CCDC146: variants seen among roughly 807,000 people sequenced by gnomAD.
CCDC146 encodes the protein coiled-coil domain containing 146.
CCDC146 carries 92 observed loss-of-function variants against 119.3 expected under a neutral mutation model. That is an observed-to-expected ratio of 0.77 (90% CI 0.65 to 0.92). CCDC146 has a LOEUF of 0.92. Among genes scored for constraint, CCDC146 ranks in the 40% least tolerant of loss-of-function variants. CCDC146 has a pLI of 0.00. For synonymous variants in CCDC146, 372 were observed against 371.8 expected, an observed-to-expected ratio of 1.00 and a Z score of -0.01; for missense variants, 1,000 against 1,103.0, an observed-to-expected ratio of 0.91 and a Z score of 1.32.
intron 2 of CCDC146, among the ~76,000 whole-genome samples, chr7:77,182,346 C>A (rs1791602539): frequency 6.6e-6 from 1 of 152,156 alleles, no homozygotes; most frequent in African/African-American, 2.4e-5. Context: ...TTCTCTGAAC[C>A]TCACTTTATA....
At chr7:77,273,498 G>A (rs1793564792) in intron 9 of CCDC146, among the ~76,000 whole-genome samples, 196 bp from the exon 10 acceptor site, 1 of 141,460 alleles carries the variant, frequency 7.1e-6, no homozygotes, top group African/African-American at 2.5e-5. Flanking sequence ...TGACTACACA[G>A]CAGTGAATTT....
intron 6 of CCDC146, among the ~76,000 whole-genome samples, chr7:77,257,050 G>C (rs559632995): frequency 7.2e-5 from 11 of 152,210 alleles, no homozygotes; most frequent in Admixed American, 2.6e-4. Flanking sequence ...AGATTGCAGT[G>C]AGCTGAGATC....
At chr7:77,209,314 G>GC (rs1792138742) in intron 2 of CCDC146, among the ~76,000 whole-genome samples, 1 of 152,304 alleles carries the variant, frequency 6.6e-6, no homozygotes, top group East Asian at 1.9e-4. Context: ...CCAAAACCCA[G>GC]CAGGGCAGTC....
In CCDC146 at chr7:77,260,079, G is replaced by A. The variant is rs1452876522; in HGVS notation, c.829G>A (p.Glu277Lys). 2 of 1,610,224 alleles carry A rather than the reference G, an allele frequency of 1.2e-6. No individual in the cohort carries two copies. The highest frequency in any genetic ancestry group is 1.7e-6 in the Non-Finnish European group (2 of 1,177,766). ...GCTAAATGACTCCCTAAAGAAAGTT[G>A]AAAACAAGGTTAGTGCTATAGTGGA... ...KTLNDSLKKV[E>K]NKVSAIVDEK... The change falls in exon 8 of 19, where the codon GAA becomes AAA. Residue 277 changes from glutamate to lysine, a missense_variant. By Grantham distance (56) the Glu-to-Lys change is moderately conservative (BLOSUM62 1). Around this residue, in one of 2 missense-constraint regions of CCDC146, gnomAD observed 985 missense variants for 1,045.3 expected, o/e 0.94. Transcript: ENST00000285871.
chr7:77,190,003 C>T (rs533178226), intron 2 of CCDC146, among the ~76,000 whole-genome samples: 10 of 152,224 alleles, frequency 6.6e-5, no homozygotes, highest in East Asian at 3.9e-4. Context: ...CTCTACTACC[C>T]GCTGCATGAG....
chr7:77,171,207 AGTT>A (rs1208213718), intron 2 of CCDC146, among the ~76,000 whole-genome samples: 3 of 152,332 alleles, frequency 2.0e-5, no homozygotes, highest in Admixed American at 2.0e-4. Flanking sequence ...GTCTGACATA[AGTT>A]GTTTGAAACC....
At chr7:77,205,352 A>G (rs1792064102) in intron 2 of CCDC146, among the ~76,000 whole-genome samples, 1 of 152,190 alleles carries the variant, frequency 6.6e-6, no homozygotes, top group African/African-American at 2.4e-5. Context: ...CCTATTTAAT[A>G]TATATTATTT....
At chr7:77,161,633 G>A (rs1202292226) in intron 1 of CCDC146, among the ~76,000 whole-genome samples, 1 of 119,068 alleles carries the variant, frequency 8.4e-6, no homozygotes, top group Non-Finnish European at 1.6e-5. Flanking sequence ...TCTGGGGACT[G>A]TTGTGGGGTG....
In CCDC146 at chr7:77,282,666, GA is replaced by G; in HGVS notation, c.2033del (p.Lys678ArgfsTer5). ...NGEIEIHLLE[E>X]KIQFLKMKIA... Reference sequence around the variant, plus strand: ...AGAAATTGAAATACATCTACTGGAAGAAAAGATCCAATTCCTGAAAATGAAG... The same window carrying G: ...AGAAATTGAAATACATCTACTGGAAGAAAGATCCAATTCCTGAAAATGAAG... On this transcript the variant is annotated frameshift_variant, in exon 15 of 19. Coordinates refer to ENST00000285871, the MANE Select transcript of CCDC146 (RefSeq NM_020879.3). LOFTEE classifies it high-confidence loss of function. 1 of 1,613,478 alleles carries G rather than the reference GA, an allele frequency of 6.2e-7. No homozygotes were observed. The highest frequency in any genetic ancestry group is 8.5e-7 in the Non-Finnish European group (1 of 1,179,410).
chr7:77,287,529 C>T lies in CCDC146; in HGVS notation c.2367C>T (p.Cys789=), dbSNP rs533254191. Reference sequence around the variant, plus strand: ...TCTCCAGGCTCACAGACAGGCTCTGCAGCAAAACTCAGGGCTGCAAGCAGG... The same window carrying T: ...TCTCCAGGCTCACAGACAGGCTCTGTAGCAAAACTCAGGGCTGCAAGCAGG... ...EQVSRLTDRL[C]SKTQGCKQDT... is the part of the protein sequence containing the mutation. Residue 789 remains cysteine, a synonymous_variant, in exon 17 of 19, where the codon TGC becomes TGT. Transcript: ENST00000285871. The T allele has an allele frequency of 1.9e-6, 3 of 1,613,972 alleles. No individual in the cohort carries two copies. Among genetic ancestry groups the T allele is most frequent in the African/African-American group, 2.7e-5 (2 of 75,018 alleles).
intron 1 of CCDC146, among the ~76,000 whole-genome samples, chr7:77,160,050 C>G (rs1412375097): frequency 8.5e-5 from 13 of 152,052 alleles, no homozygotes; most frequent in Admixed American, 6.6e-4. Context: ...GCTTGTTTTT[C>G]TCAGGTTTGT....
chr7:77,287,467 G>A lies in CCDC146; in HGVS notation c.2305G>A (p.Glu769Lys), dbSNP rs754353230. 2.7e-5 allele frequency: 43 copies of A among 1,613,996 alleles called. No individual in the cohort carries two copies. The Admixed American group carries it at 6.7e-4, about 25-fold the overall frequency. Reference sequence around the variant, plus strand: ...GGAACTACAACTGGCCAAGAAGGAGGAGAAGCTGCTGGAGAAGGATTTCAT... The same window carrying A: ...GGAACTACAACTGGCCAAGAAGGAGAAGAAGCTGCTGGAGAAGGATTTCAT... ...KLELQLAKKEEKLLEKDFIYE... is the reference protein window; with the variant it reads ...KLELQLAKKEKKLLEKDFIYE... The change falls in exon 17 of 19, where the codon GAG becomes AAG. Residue 769 changes from glutamate to lysine, a missense_variant. This residue lies in a region of CCDC146 where 985 missense variants were observed against 1,045.3 expected (regional missense o/e 0.94). Transcript: ENST00000285871.
rs1791784623 is a variant in CCDC146, at chr7:77,192,402, G to T, written c.156+24578G>T. Among the ~76,000 whole-genome samples, 3 of 152,136 alleles carry T rather than the reference G, an allele frequency of 2.0e-5. No homozygotes were observed. The South Asian group carries it at 6.2e-4, about 31-fold the overall frequency. ...TGGAGCTGAAATTCAAACCAGGAAG[G>T]CCAGCTCCTGAGTTCCTGCTGTTAA... On this transcript the variant is annotated intron_variant, in intron 2 of 18. Coordinates refer to ENST00000285871, the MANE Select transcript of CCDC146 (RefSeq NM_020879.3).
intron 2 of CCDC146, chr7:77,193,489 G>T (rs1791808466): frequency 2.0e-5 from 3 of 152,080 alleles, no homozygotes; most frequent in Admixed American, 2.0e-4. Flanking sequence ...TAAAAGAAAA[G>T]AATTTTAAAC....
At chr7:77,127,302 C>T (rs1790702290) in intron 1 of CCDC146, among the ~76,000 whole-genome samples, 1 of 152,092 alleles carries the variant, frequency 6.6e-6, no homozygotes. Flanking sequence ...CCCAGCCCCA[C>T]TTCAAGAGCG....
intron 1 of CCDC146, among the ~76,000 whole-genome samples, chr7:77,139,614 G>A (rs574650040): frequency 2.6e-5 from 4 of 152,162 alleles, no homozygotes; most frequent in African/African-American, 7.2e-5. Context: ...TGCACATATG[G>A]GAACAAGGAG....
Position 77,188,107 on chromosome 7 carries a change from G to T in CCDC146, c.156+20283G>T, listed in dbSNP as rs562113702. Among the ~76,000 whole-genome samples the T allele has an allele frequency of 3.9e-5, 6 of 152,224 alleles. No individual in the cohort carries two copies. In the South Asian group the frequency reaches 1.2e-3, roughly 32 times the overall value. Reference sequence around the variant, plus strand: ...CTTTACCTTTTTTGTCTATAAATTTGTTCTGACCACGAGGCACCCCTGGAG... The same window carrying T: ...CTTTACCTTTTTTGTCTATAAATTTTTTCTGACCACGAGGCACCCCTGGAG... On this transcript the variant is annotated intron_variant, in intron 2 of 18. Coordinates refer to ENST00000285871, the MANE Select transcript of CCDC146 (RefSeq NM_020879.3).
intron 2 of CCDC146, among the ~76,000 whole-genome samples, chr7:77,204,947 T>C (rs1288747784): frequency 6.6e-6 from 1 of 152,164 alleles, no homozygotes; most frequent in Non-Finnish European, 1.5e-5. Context: ...AGTGAGACCC[T>C]GTCTCTACAA....
At chr7:77,124,033 G>A (rs566541655) in intron 1 of CCDC146, among the ~76,000 whole-genome samples, 1 of 152,272 alleles carries the variant, frequency 6.6e-6, no homozygotes, top group South Asian at 2.1e-4. Flanking sequence ...ACTGGTTTAA[G>A]GAAGTTGAGA....
Sources: allele counts gnomAD v4.1 joint callset (sites outside exome capture counted in the v4.1 genomes callset), GRCh38; gene constraint gnomAD v4.1.1; regional missense constraint gnomAD v4.1.1; transcripts MANE v1.5; gene names NCBI Gene and HGNC (gene_info 2026-07-23, HGNC 2026-07-21).